RIT2: variants seen among roughly 807,000 people sequenced by gnomAD.
The protein encoded by RIT2 is GTP-binding protein Rit2.
Under a neutral mutation model 23.7 loss-of-function variants are expected in RIT2, and 24 were observed. The ratio of observed to expected loss-of-function variants is 1.01; its 90% CI spans 0.73 to 1.43. The LOEUF is 1.43. Among genes scored for constraint, RIT2 ranks in the 40% most tolerant of loss-of-function variants. The pLI is 0.00. For synonymous variants in RIT2, 107 were observed against 91.1 expected (o/e 1.17, Z -0.99); for missense variants, 236 against 266.9 (o/e 0.88, Z 0.81).
In RIT2 at chr18:42,783,985, T is replaced by A. The variant is rs189906739; in HGVS notation, c.427-40265A>T. On this transcript the variant is annotated intron_variant, in intron 4 of 4. Coordinates refer to ENST00000326695, the MANE Select transcript of RIT2 (RefSeq NM_002930.4). ...AACTCAGCACTCCTGTACTTCTAGA[T>A]ATTAAGGAAAACTTTCAGGGGAAGA... is the stretch of plus-strand genomic sequence containing the variant. Among the ~76,000 whole-genome samples the A allele has an allele frequency of 2.4e-4, 37 of 152,152 alleles. No individual in the cohort carries two copies. The East Asian group carries it at 6.0e-3, about 25-fold the overall frequency.
chr18:43,059,758 G>C (rs913453626), intron 1 of RIT2, among the ~76,000 whole-genome samples: 5 of 149,914 alleles, frequency 3.3e-5, no homozygotes, highest in Non-Finnish European at 7.4e-5. Flanking sequence ...TTCTTGTGGG[G>C]ATGAGAATCA....
intron 4 of RIT2, among the ~76,000 whole-genome samples, chr18:42,858,926 T>G (rs1907256982): frequency 6.6e-6 from 1 of 152,252 alleles, no homozygotes; most frequent in Admixed American, 6.5e-5. Flanking sequence ...ACTGTATGGA[T>G]ATATTACATT....
intron 4 of RIT2, among the ~76,000 whole-genome samples, chr18:42,754,157 T>C (rs898304527): frequency 1.9e-4 from 29 of 152,198 alleles, no homozygotes; most frequent in African/African-American, 6.8e-4. Flanking sequence ...AGTAACTTCT[T>C]AGCACGTCCC....
At chr18:42,953,895 A>G (rs1909911462) in intron 3 of RIT2, among the ~76,000 whole-genome samples, 1 of 152,146 alleles carries the variant, frequency 6.6e-6, no homozygotes, top group South Asian at 2.1e-4. Context: ...CTGAGCTGAG[A>G]TCTCAGGCTT....
rs79476947 is a variant in RIT2 at position 42,896,970 on chromosome 18, G to C, written c.426+26602C>G. Among the ~76,000 whole-genome samples, 656 of 152,242 alleles carry C rather than the reference G, an allele frequency of 4.3e-3. 6 individuals carry two copies. Among genetic ancestry groups the C allele is most frequent in the African/African-American group, 0.015 (627 of 41,520 alleles). ...TTATCTGGTTTTCTTCACAAGGCTT[G>C]AGCATTTTAAATGACGCAGTCCTCT... is the stretch of plus-strand genomic sequence containing the variant. On this transcript the variant is annotated intron_variant, in intron 4 of 4. Coordinates refer to ENST00000326695, the MANE Select transcript of RIT2 (RefSeq NM_002930.4).
intron 4 of RIT2, among the ~76,000 whole-genome samples, chr18:42,802,680 A>G (rs897862900): frequency 6.6e-6 from 1 of 152,206 alleles, no homozygotes; most frequent in African/African-American, 2.4e-5. Context: ...TTCAAACCAC[A>G]TATGAAAGTT....
intron 2 of RIT2, among the ~76,000 whole-genome samples, chr18:42,996,877 A>C (rs1014956518): frequency 6.6e-6 from 1 of 152,166 alleles, no homozygotes; most frequent in African/African-American, 2.4e-5. Flanking sequence ...GACACTCAAC[A>C]ACCTGGTCAT....
intron 2 of RIT2, among the ~76,000 whole-genome samples, chr18:43,017,958 T>TAC (rs752160748): frequency 2.6e-5 from 4 of 152,058 alleles, no homozygotes; most frequent in Admixed American, 6.6e-5. Flanking sequence ...TGCAACCTGA[T>TAC]ACACACACGT....
intron 4 of RIT2, among the ~76,000 whole-genome samples, chr18:42,828,191 G>A (rs536657092): frequency 1.2e-4 from 18 of 152,060 alleles, no homozygotes; most frequent in Non-Finnish European, 2.4e-4. Context: ...AACCACTCTA[G>A]AGAGGGCTTT....
chr18:42,751,576 A>G (rs1415855048), intron 4 of RIT2, among the ~76,000 whole-genome samples: 1 of 151,990 alleles, frequency 6.6e-6, no homozygotes, highest in Non-Finnish European at 1.5e-5. Context: ...TTAATAAATG[A>G]TATAAGTGAA....
At chr18:42,857,231 A>G (rs533616646) in intron 4 of RIT2, among the ~76,000 whole-genome samples, 81 of 152,324 alleles carry the variant, frequency 5.3e-4, no homozygotes, top group African/African-American at 1.9e-3. Context: ...TTCCACAGCA[A>G]AACATTATGT....
At chr18:43,070,123 A>G (rs1358962128) in intron 1 of RIT2, among the ~76,000 whole-genome samples, 1 of 152,158 alleles carries the variant, frequency 6.6e-6, no homozygotes, top group East Asian at 1.9e-4. Context: ...ATTGCTAGGA[A>G]AATAAGAGTG....
intron 3 of RIT2, among the ~76,000 whole-genome samples, chr18:42,965,506 G>A (rs1022985881): frequency 2.6e-5 from 4 of 151,946 alleles, no homozygotes; most frequent in African/African-American, 9.7e-5. Context: ...CAAATAGAAT[G>A]TAATATTGTC....
intron 4 of RIT2, among the ~76,000 whole-genome samples, chr18:42,776,698 AG>A (rs199800763): frequency 0.03 from 4,566 of 152,126 alleles, 214 homozygotes; most frequent in African/African-American, 0.094. Flanking sequence ...ACTTACCAAA[AG>A]TTTTGCACAA....
intron 4 of RIT2, among the ~76,000 whole-genome samples, chr18:42,774,156 T>C (rs1329013560): frequency 6.6e-6 from 1 of 152,168 alleles, no homozygotes; most frequent in Non-Finnish European, 1.5e-5. Context: ...ATTCAGACCA[T>C]TTACAAAATG....
intron 4 of RIT2, among the ~76,000 whole-genome samples, chr18:42,849,459 C>T (rs1164412303): frequency 2.0e-5 from 3 of 152,032 alleles, no homozygotes; most frequent in East Asian, 3.9e-4. Context: ...TCGGTTTTCT[C>T]GTGGGTAAAA....
At chr18:43,042,666 G>A (rs546683593) in intron 1 of RIT2, among the ~76,000 whole-genome samples, 2 of 152,164 alleles carry the variant, frequency 1.3e-5, no homozygotes, top group Non-Finnish European at 2.9e-5. Context: ...AAAATAGTAT[G>A]TGTCAGACGC....
intron 4 of RIT2, among the ~76,000 whole-genome samples, chr18:42,922,865 T>G (rs1448201628): frequency 6.6e-6 from 1 of 152,054 alleles, no homozygotes. Context: ...TATATAAGAG[T>G]AATTTCTGAT....
intron 4 of RIT2, among the ~76,000 whole-genome samples, chr18:42,821,146 T>C (rs985679636): frequency 6.6e-6 from 1 of 152,090 alleles, no homozygotes; most frequent in Non-Finnish European, 1.5e-5. Context: ...TTTATCTTAG[T>C]AAATTACCCA....
Sources: gnomAD v4.1 joint callset for allele counts (sites outside exome capture counted in the v4.1 genomes callset) on GRCh38, gnomAD v4.1.1 for gene constraint, MANE v1.5 for transcripts, NCBI Gene and HGNC (gene_info 2026-07-23, HGNC 2026-07-21) for gene names.